The following PDXDC1 variants were observed in gnomAD, a reference collection of about 807,000 sequenced individuals.
PDXDC1 encodes pyridoxal-dependent decarboxylase domain-containing protein 1.
In PDXDC1, 42 loss-of-function variants were observed where a neutral mutation model predicts 100.1. That is an observed-to-expected ratio of 0.42 (90% CI 0.33 to 0.54). The LOEUF (loss-of-function observed/expected upper bound fraction) is 0.54. PDXDC1 is among the 20% of genes least tolerant of loss of function. The pLI, the probability that PDXDC1 is intolerant of heterozygous loss-of-function variation, is 0.10. For missense variants in PDXDC1, 636 were observed against 979.2 expected (o/e 0.65, Z 4.68); for synonymous variants, 260 against 371.7 (o/e 0.70, Z 3.46).
intron 1 of PDXDC1, among the ~76,000 whole-genome samples, chr16:14,980,442 A>G (rs1242830008): frequency 2.0e-5 from 3 of 152,222 alleles, no homozygotes; most frequent in African/African-American, 7.2e-5. Context: ...CTTCCCGAGT[A>G]GATGGGATTA....
chr16:15,031,135 T>TC (rs779234529), intron 16 of PDXDC1, among the ~76,000 whole-genome samples: 4 of 120,138 alleles, frequency 3.3e-5, no homozygotes, highest in East Asian at 2.3e-4. Flanking sequence ...TTTTTTTTTT[T>TC]CCATAGAGAC....
At chr16:14,984,128 A>T (rs1415411487) in intron 1 of PDXDC1, among the ~76,000 whole-genome samples, 2 of 152,144 alleles carry the variant, frequency 1.3e-5, no homozygotes, top group African/African-American at 4.8e-5. Flanking sequence ...GTGCCGCTGC[A>T]CTTGGCCTGG....
At position 15,036,467 on chromosome 16, in the gene PDXDC1, G is replaced by T; in HGVS notation, c.*192G>T. 1 of 498,974 alleles carries T rather than the reference G, an allele frequency of 2.0e-6. No homozygotes were observed. The highest frequency in any genetic ancestry group is 3.5e-6 in the Non-Finnish European group (1 of 287,054). The allele number at this position is 498,974 out of a possible 1,614,324, so 30.9% of individuals were successfully genotyped here. A position where few individuals can be genotyped will look rare whatever the true frequency, so the allele number is the denominator to read the frequency against. ...TCAGCTTGTCTAACTTCATGTACAT[G>T]TAGAACCACGTTTGCTGTCCTACTA... On this transcript the variant is annotated 3_prime_UTR_variant, in exon 23 of 23. Coordinates refer to ENST00000396410, the MANE Select transcript of PDXDC1 (RefSeq NM_015027.4).
intron 16 of PDXDC1, among the ~76,000 whole-genome samples, chr16:15,054,956 G>C (rs1597827926): frequency 6.6e-6 from 1 of 152,132 alleles, no homozygotes; most frequent in Non-Finnish European, 1.5e-5. Context: ...AGAGTGAAAG[G>C]GGACGCTTTT....
At chr16:15,055,665 C>A (rs1003898852) in intron 16 of PDXDC1, 4 of 362,002 alleles carry the variant, frequency 1.1e-5, no homozygotes, top group African/African-American at 2.1e-5. Context: ...CTCTCTGGGC[C>A]CCCGTCCCCT....
At chr16:15,123,286 C>A in intron 16 of PDXDC1, 2 of 1,159,542 alleles carry the variant, frequency 1.7e-6, no homozygotes, top group Non-Finnish European at 2.5e-6. Flanking sequence ...GGAACCTTCA[C>A]AAACCTGATT....
At chr16:15,130,372 A>G (rs751269245) in intron 16 of PDXDC1, 5 of 1,571,598 alleles carry the variant, frequency 3.2e-6, no homozygotes, top group Non-Finnish European at 4.3e-6. Context: ...AGGGACGTGT[A>G]CAGGCCCACG....
At chr16:15,111,030 G>C (rs1418102366) in intron 16 of PDXDC1, among the ~76,000 whole-genome samples, 1 of 149,026 alleles carries the variant, frequency 6.7e-6, no homozygotes, top group Non-Finnish European at 1.5e-5. Flanking sequence ...TCGGGAGGCT[G>C]AGGCAGAGAA....
At chr16:15,102,871 C>A (rs1184710274) in intron 16 of PDXDC1, among the ~76,000 whole-genome samples, 1 of 149,458 alleles carries the variant, frequency 6.7e-6, no homozygotes, top group Non-Finnish European at 1.5e-5. Context: ...CCCGGAAGTT[C>A]AAGGCTAAAG....
chr16:15,145,030 G>A, the PDXDC1 span, among the ~76,000 whole-genome samples: 1 of 152,190 alleles, frequency 6.6e-6, no homozygotes, highest in African/African-American at 2.4e-5. Context: ...CAGCCTGGGT[G>A]GGCAGGTGCT....
chr16:15,032,733 C>T, intron 17 of PDXDC1, 128 bp from the exon 18 acceptor site: 2 of 614,012 alleles, frequency 3.3e-6, no homozygotes, highest in Middle Eastern at 4.0e-4. Flanking sequence ...TCTGGAGACA[C>T]TCGCAGTAGC....
At chr16:15,003,288 C>T (rs1334168443) in intron 4 of PDXDC1, among the ~76,000 whole-genome samples, 1 of 149,364 alleles carries the variant, frequency 6.7e-6, no homozygotes, top group Non-Finnish European at 1.5e-5. Flanking sequence ...GCCATTTCGG[C>T]TCACTTCAAG....
At chr16:15,001,515 CT>C (rs1356430239) in intron 3 of PDXDC1, among the ~76,000 whole-genome samples, 2 of 152,264 alleles carry the variant, frequency 1.3e-5, no homozygotes, top group Non-Finnish European at 2.9e-5. Flanking sequence ...AATAAAAAGA[CT>C]GGTGACATTT....
chr16:15,070,915 C>T (rs2045196055), intron 16 of PDXDC1, among the ~76,000 whole-genome samples: 1 of 152,032 alleles, frequency 6.6e-6, no homozygotes, highest in Non-Finnish European at 1.5e-5. Flanking sequence ...ATGACAAAAG[C>T]CTTACATACA....
chr16:15,075,042 G>C (rs1331654197), intron 16 of PDXDC1, among the ~76,000 whole-genome samples: 1 of 152,054 alleles, frequency 6.6e-6, no homozygotes, highest in East Asian at 1.9e-4. Flanking sequence ...TTGAGGTCAG[G>C]AGTTTGAGAC....
chr16:15,081,529 T>A (rs2151803307), intron 16 of PDXDC1, among the ~76,000 whole-genome samples: 1 of 152,360 alleles, frequency 6.6e-6, no homozygotes, highest in African/African-American at 2.4e-5. Flanking sequence ...TCAGTTGGGC[T>A]ATTTGCCCTT....
chr16:15,130,741 A>T, intron 16 of PDXDC1: 1 of 1,408,358 alleles, frequency 7.1e-7, no homozygotes, highest in Non-Finnish European at 1.0e-6. Context: ...CGGGGCTCCG[A>T]GTGCAGGTAG....
chr16:15,092,627 G>A (rs935955427), intron 16 of PDXDC1: 1 of 1,463,864 alleles, frequency 6.8e-7, no homozygotes, highest in African/African-American at 1.4e-5. Context: ...GTGGAACCAA[G>A]ATTAACAAGC....
intron 22 of PDXDC1, 142 bp from the exon 23 acceptor site, chr16:15,035,874 A>G (rs2043406850): frequency 1.1e-6 from 1 of 895,254 alleles, no homozygotes; most frequent in Admixed American, 2.4e-5. Context: ...CGGTTTTCTC[A>G]TCTCCTAAAA....
Sources: gnomAD v4.1 joint callset for allele counts (sites outside exome capture counted in the v4.1 genomes callset) on GRCh38, gnomAD v4.1.1 for gene constraint, MANE v1.5 for transcripts, NCBI Gene and HGNC (gene_info 2026-07-23, HGNC 2026-07-21) for gene names.